The following QTGAL variants were observed in gnomAD, a reference collection of about 807,000 sequenced individuals.
QTGAL encodes the protein BGnT-like protein 1.
the QTGAL span, among the ~76,000 whole-genome samples, chr17:83,043,366 G>A: frequency 6.6e-6 from 1 of 152,104 alleles, no homozygotes; most frequent in Non-Finnish European, 1.5e-5. Flanking sequence ...AGTAACAGAA[G>A]TAAAACTGAA....
the QTGAL span, among the ~76,000 whole-genome samples, chr17:83,032,670 A>G: frequency 6.6e-6 from 1 of 152,248 alleles, no homozygotes; most frequent in African/African-American, 2.4e-5. Flanking sequence ...TGGATGGACC[A>G]TCTGAGCATG....
the QTGAL span, chr17:82,946,858 T>C: frequency 3.8e-4 from 572 of 1,504,406 alleles, no homozygotes; most frequent in African/African-American, 6.7e-3. Context: ...ACCCAGATGG[T>C]TCTTCGGTGA....
chr17:83,046,875 C>G, the QTGAL span, among the ~76,000 whole-genome samples: 4 of 152,248 alleles, frequency 2.6e-5, no homozygotes, highest in Non-Finnish European at 5.9e-5. Flanking sequence ...TGTACAACTG[C>G]ATATCATCCT....
chr17:83,046,857 G>C, the QTGAL span, among the ~76,000 whole-genome samples: 1 of 152,142 alleles, frequency 6.6e-6, no homozygotes, highest in Non-Finnish European at 1.5e-5. Flanking sequence ...CACAAAACAT[G>C]GTACTTATGT....
chr17:83,006,594 C>T, the QTGAL span: 1 of 985,450 alleles, frequency 1.0e-6, no homozygotes, highest in African/African-American at 1.7e-5. This position sits in a 1 kb window ranked among gnomAD's most constrained non-coding sequence, Gnocchi z 5.8. Context: ...ACTGGCAGCC[C>T]CTCAACGGCA....
At chr17:82,960,699 G>GC in the QTGAL span, among the ~76,000 whole-genome samples, 18 of 152,054 alleles carry the variant, frequency 1.2e-4, no homozygotes, top group Admixed American at 2.0e-4. Context: ...CGGCAGCTGC[G>GC]CCCCCCAGGC....
the QTGAL span, among the ~76,000 whole-genome samples, chr17:83,022,022 T>G: frequency 6.6e-6 from 1 of 152,070 alleles, no homozygotes; most frequent in East Asian, 1.9e-4. Flanking sequence ...AGCCCCCATA[T>G]ACACCATCTT....
chr17:82,970,672 C>T, the QTGAL span, among the ~76,000 whole-genome samples: 28,756 of 64,824 alleles, frequency 0.44, 9,517 homozygotes, highest in African/African-American at 0.63. Context: ...CCGCACCCAG[C>T]GTGGCCGTGA....
chr17:83,028,723 C>T, the QTGAL span, among the ~76,000 whole-genome samples: 34 of 152,266 alleles, frequency 2.2e-4, no homozygotes, highest in African/African-American at 7.9e-4. Flanking sequence ...CAGCAGGTTC[C>T]TTTAAGGTAA....
At chr17:83,040,411 T>C in the QTGAL span, among the ~76,000 whole-genome samples, 2 of 152,094 alleles carry the variant, frequency 1.3e-5, no homozygotes, top group Non-Finnish European at 2.9e-5. Flanking sequence ...AAAGTCAAAC[T>C]AAAAGGACCC....
At chr17:82,969,944 T>C in the QTGAL span, among the ~76,000 whole-genome samples, 2 of 152,166 alleles carry the variant, frequency 1.3e-5, no homozygotes, top group Admixed American at 6.5e-5. Context: ...CCTCCCAAAG[T>C]TGTGGGACTC....
chr17:82,973,590 G>A, the QTGAL span, among the ~76,000 whole-genome samples: 4 of 152,008 alleles, frequency 2.6e-5, no homozygotes, highest in African/African-American at 7.2e-5. Flanking sequence ...GGCAGGCGGG[G>A]TGGGGTGGGG....
chr17:82,949,278 T>C, the QTGAL span: 27 of 152,314 alleles, frequency 1.8e-4, no homozygotes, highest in African/African-American at 6.3e-4. Context: ...AAATTATGTA[T>C]ATATACAAAT....
chr17:83,003,916 G>A, the QTGAL span, among the ~76,000 whole-genome samples: 346 of 10,822 alleles, frequency 0.032, 3 homozygotes, highest in Non-Finnish European at 0.037. Context: ...TCGCCCTCCC[G>A]CCCTCCGCGT....
At chr17:83,040,166 CCAGACCAATT>C in the QTGAL span, among the ~76,000 whole-genome samples, 7 of 152,166 alleles carry the variant, frequency 4.6e-5, no homozygotes, top group African/African-American at 1.7e-4. Context: ...ACGCTGCACC[CCAGACCAATT>C]ACATGAGAAT....
chr17:82,948,616 A>C, the QTGAL span: 1 of 152,262 alleles, frequency 6.6e-6, no homozygotes, highest in African/African-American at 2.4e-5. Flanking sequence ...CATGAACTAC[A>C]AAAATAGGAT....
the QTGAL span, among the ~76,000 whole-genome samples, chr17:82,996,642 C>T: frequency 6.6e-6 from 1 of 152,082 alleles, no homozygotes; most frequent in East Asian, 1.9e-4. Flanking sequence ...CATTACCTGA[C>T]TTAGACTACA....
At chr17:82,960,360 C>T in the QTGAL span, 5 of 152,260 alleles carry the variant, frequency 3.3e-5, no homozygotes, top group African/African-American at 7.2e-5. Flanking sequence ...CCTGAGTACC[C>T]GTAGGGGCCG....
chr17:83,029,697 C>G, the QTGAL span, among the ~76,000 whole-genome samples: 1 of 152,306 alleles, frequency 6.6e-6, no homozygotes, highest in Admixed American at 6.5e-5. Flanking sequence ...CGCGTCTGCA[C>G]GAATAACTCA....
Sources: allele counts gnomAD v4.1 joint callset (sites outside exome capture counted in the v4.1 genomes callset), GRCh38; gene constraint gnomAD v4.1.1; non-coding constraint Gnocchi (gnomAD v3.1); transcripts MANE v1.5; gene names NCBI Gene and HGNC (gene_info 2026-07-23, HGNC 2026-07-21).